The following SLX4IP variants were observed in gnomAD, a reference collection of about 807,000 sequenced individuals.
SLX4IP encodes the protein protein SLX4IP.
In SLX4IP, 34 loss-of-function variants were observed where a neutral mutation model predicts 32.9. The observed-to-expected ratio is 1.03, with a 90% CI of 0.79 to 1.38. SLX4IP has a LOEUF of 1.38. Among genes scored for constraint, SLX4IP ranks in the 40% most tolerant of loss-of-function variants. The pLI, the probability that SLX4IP is intolerant of heterozygous loss-of-function variation, is 0.00. For missense variants in SLX4IP, 444 were observed against 479.0 expected, an observed-to-expected ratio of 0.93 and a Z score of 0.68; for synonymous variants, 172 against 171.7, an observed-to-expected ratio of 1.00 and a Z score of -0.01.
intron 2 of SLX4IP, among the ~76,000 whole-genome samples, chr20:10,538,802 C>T (rs148211370): frequency 2.0e-5 from 3 of 152,292 alleles, no homozygotes; most frequent in African/African-American, 2.4e-5. Context: ...GCTGGAATTA[C>T]AGGTGTGAGC....
intron 6 of SLX4IP, among the ~76,000 whole-genome samples, chr20:10,609,885 A>G (rs540303860): frequency 6.6e-6 from 1 of 152,104 alleles, no homozygotes; most frequent in East Asian, 1.9e-4. Flanking sequence ...TTTCCCTTCT[A>G]CTTTTAAACT....
intron 2 of SLX4IP, among the ~76,000 whole-genome samples, chr20:10,511,825 A>G (rs2065810197): frequency 6.6e-6 from 1 of 152,248 alleles, no homozygotes; most frequent in Non-Finnish European, 1.5e-5. Flanking sequence ...TCTAGTAAAT[A>G]GTTGAGTTCC....
At chr20:10,578,560 A>G (rs2066547786) in intron 4 of SLX4IP, among the ~76,000 whole-genome samples, 8 of 152,164 alleles carry the variant, frequency 5.3e-5, no homozygotes. Context: ...CAAGTTTTTG[A>G]GTGGACATAT....
intron 6 of SLX4IP, among the ~76,000 whole-genome samples, chr20:10,614,777 G>A (rs963537220): frequency 1.3e-5 from 2 of 152,104 alleles, no homozygotes; most frequent in Non-Finnish European, 1.5e-5. Flanking sequence ...GACAGTGGTG[G>A]GTGCCCCCAT....
chr20:10,517,050 T>TA (rs1432230156), intron 2 of SLX4IP, among the ~76,000 whole-genome samples: 2 of 152,242 alleles, frequency 1.3e-5, no homozygotes, highest in African/African-American at 4.8e-5. Context: ...TGGGAGGAAC[T>TA]ATGTATGAAC....
intron 1 of SLX4IP, among the ~76,000 whole-genome samples, chr20:10,443,239 A>C (rs922285908): frequency 6.6e-5 from 10 of 152,216 alleles, no homozygotes; most frequent in Admixed American, 1.3e-4. Flanking sequence ...AAAAACAAAA[A>C]CAAAAAACCA....
intron 1 of SLX4IP, among the ~76,000 whole-genome samples, chr20:10,450,634 C>G (rs1029371393): frequency 6.6e-6 from 1 of 152,198 alleles, no homozygotes; most frequent in Admixed American, 6.5e-5. Flanking sequence ...AAATTAGGAT[C>G]TCATCACATA....
chr20:10,526,839 C>G (rs2065943790), intron 2 of SLX4IP, among the ~76,000 whole-genome samples: 2 of 152,098 alleles, frequency 1.3e-5, no homozygotes, highest in South Asian at 4.2e-4. Flanking sequence ...GTGGTCCCAT[C>G]TACTTGGGAG....
At position 10,602,141 on chromosome 20, in the gene SLX4IP, G is replaced by C. The variant is rs79870112; in HGVS notation, c.405+322G>C. Reference sequence around the variant, plus strand: ...AAGAAAAGTCTTTAAGTGAAATGAAGCAAAATCCACATGTTTCCACTGGAG... The same window carrying C: ...AAGAAAAGTCTTTAAGTGAAATGAACCAAAATCCACATGTTTCCACTGGAG... On this transcript the variant is annotated intron_variant, in intron 6 of 7. Coordinates refer to ENST00000334534, the MANE Select transcript of SLX4IP (RefSeq NM_001009608.3). 6.8e-3 allele frequency among the ~76,000 whole-genome samples: 1,029 copies of C among 152,318 alleles called. 10 individuals are homozygous for C. The highest frequency in any genetic ancestry group is 0.024 in the African/African-American group (982 of 41,572).
intron 2 of SLX4IP, among the ~76,000 whole-genome samples, chr20:10,499,718 T>G (rs2065699829): frequency 6.6e-6 from 1 of 152,212 alleles, no homozygotes. Flanking sequence ...GAGGATAGCA[T>G]AGTATCCATT....
At chr20:10,620,773 T>G (rs2067100800) in intron 6 of SLX4IP, among the ~76,000 whole-genome samples, 1 of 152,176 alleles carries the variant, frequency 6.6e-6, no homozygotes, top group Non-Finnish European at 1.5e-5. Context: ...GCCAGGATGG[T>G]CTCGATCTCC....
At chr20:10,530,084 G>A (rs2065975451) in intron 2 of SLX4IP, among the ~76,000 whole-genome samples, 1 of 152,154 alleles carries the variant, frequency 6.6e-6, no homozygotes, top group Non-Finnish European at 1.5e-5. Context: ...TGAACAGGCT[G>A]ACACTCTGCC....
At chr20:10,480,569 A>G (rs1450393632) in intron 2 of SLX4IP, among the ~76,000 whole-genome samples, 1 of 152,252 alleles carries the variant, frequency 6.6e-6, no homozygotes, top group Non-Finnish European at 1.5e-5. Flanking sequence ...GTTTTAACTA[A>G]AAATATAAAA....
At chr20:10,551,832 G>A (rs923976325) in intron 2 of SLX4IP, among the ~76,000 whole-genome samples, 7 of 152,148 alleles carry the variant, frequency 4.6e-5, no homozygotes, top group Non-Finnish European at 7.3e-5. Flanking sequence ...CAAAGACATG[G>A]GCCTCATTAG....
At chr20:10,569,059 G>A (rs1355151659) in intron 4 of SLX4IP, among the ~76,000 whole-genome samples, 1 of 152,120 alleles carries the variant, frequency 6.6e-6, no homozygotes, top group African/African-American at 2.4e-5. Flanking sequence ...CGTTATTGAA[G>A]GGTCCTTACT....
At chr20:10,469,339 A>T (rs1473424145) in intron 2 of SLX4IP, among the ~76,000 whole-genome samples, 1 of 152,000 alleles carries the variant, frequency 6.6e-6, no homozygotes, top group African/African-American at 2.4e-5. Context: ...AATCATCTCA[A>T]CCTATTTCTC....
At chr20:10,437,148 C>T (rs1020237608) in intron 1 of SLX4IP, among the ~76,000 whole-genome samples, 1 of 151,942 alleles carries the variant, frequency 6.6e-6, no homozygotes, top group Non-Finnish European at 1.5e-5. Context: ...TTTTTTGAGA[C>T]AGGGTATAAC....
At chr20:10,508,523 A>C (rs972263582) in intron 2 of SLX4IP, among the ~76,000 whole-genome samples, 3 of 152,212 alleles carry the variant, frequency 2.0e-5, no homozygotes, top group Non-Finnish European at 4.4e-5. Flanking sequence ...AATGAGGTCT[A>C]TTAGCCTTTG....
At chr20:10,590,471 C>G (rs2066696193) in intron 4 of SLX4IP, among the ~76,000 whole-genome samples, 1 of 152,108 alleles carries the variant, frequency 6.6e-6, no homozygotes, top group South Asian at 2.1e-4. Flanking sequence ...AGCAATTCTC[C>G]TGCCTCAGCC....
Sources: gnomAD v4.1 joint callset for allele counts (sites outside exome capture counted in the v4.1 genomes callset) on GRCh38, gnomAD v4.1.1 for gene constraint, MANE v1.5 for transcripts, NCBI Gene and HGNC (gene_info 2026-07-23, HGNC 2026-07-21) for gene names.